Variants in UACA observed in about 807,000 individuals in gnomAD.
UACA encodes the protein nuclear membrane binding protein.
Under a neutral mutation model 160.5 loss-of-function variants are expected in UACA, and 112 were observed. The ratio of observed to expected loss-of-function variants is 0.70; its 90% confidence interval spans 0.60 to 0.82. The LOEUF is 0.82. UACA is among the 40% of genes least tolerant of loss of function. UACA has a pLI of 0.00. For missense variants in UACA, 1,574 were observed against 1,614.6 expected, an observed-to-expected ratio of 0.97 and a Z score of 0.43; for synonymous variants, 557 against 568.4, an observed-to-expected ratio of 0.98 and a Z score of 0.29.
chr15:70,717,797 T>A (rs943536036), intron 1 of UACA, among the ~76,000 whole-genome samples: 1 of 152,176 alleles, frequency 6.6e-6, no homozygotes, highest in Non-Finnish European at 1.5e-5. Flanking sequence ...TGTGAAGGTA[T>A]TTTGTAGATG....
At chr15:70,755,676 TA>T (rs569011645) in intron 1 of UACA, among the ~76,000 whole-genome samples, 120 of 140,692 alleles carry the variant, frequency 8.5e-4, no homozygotes, top group Admixed American at 8.6e-4. Flanking sequence ...TTCTCAAAAA[TA>T]AAAAAAAAAA....
In UACA at chr15:70,691,454, C is replaced by T. The variant is rs544342527; in HGVS notation, c.302-91G>A. The T allele has an allele frequency of 1.8e-4, 165 of 917,568 alleles. 1 individual carries two copies. The highest frequency in any genetic ancestry group is 2.7e-4 in the Non-Finnish European group (159 of 594,694). The allele number at this position is 917,568 out of a possible 1,614,324, so 56.8% of individuals were successfully genotyped here. A position where few individuals can be genotyped will look rare whatever the true frequency, so the allele number is the denominator to read the frequency against. ...GAAATATGATTCTTTTTTCCCAAAA[C>T]TAGTTGACAACATACTTAATCTGTA... On this transcript the variant is annotated intron_variant, in intron 3 of 18. Transcript: ENST00000322954.
Position 70,684,358 on chromosome 15 carries a change from C to T in UACA, c.691G>A (p.Ala231Thr). The T allele has an allele frequency of 6.2e-7, 1 of 1,613,876 alleles. No individual in the cohort carries two copies. Among genetic ancestry groups the T allele is most frequent in the Non-Finnish European group, 8.5e-7 (1 of 1,179,832 alleles). ...KNGADISLLD[A>T]LGHDSSYYAR... The stretch of plus-strand genomic sequence containing the variant: ...TAGTAAGAACTATCATGGCCAAGCG[C>T]ATCCAGCAAGCTTATATCAGCACCA... Residue 231 changes from alanine to threonine, a missense_variant, in exon 8 of 19, where the codon GCG becomes ACG. Transcript: ENST00000322954.
At chr15:70,745,822 TC>T (rs962514549) in intron 1 of UACA, among the ~76,000 whole-genome samples, 5 of 80,910 alleles carry the variant, frequency 6.2e-5, no homozygotes, top group South Asian at 3.8e-4. Context: ...TCTACAACCA[TC>T]TGACCTTTGA....
At chr15:70,678,262 A>G (rs1471408700) in intron 10 of UACA, 56 bp from the exon 11 acceptor site, 1 of 1,340,068 alleles carries the variant, frequency 7.5e-7, no homozygotes, top group Non-Finnish European at 1.0e-6. Flanking sequence ...CAAATTCTTA[A>G]AGGAGAAATT....
intron 1 of UACA, among the ~76,000 whole-genome samples, chr15:70,752,003 G>A (rs375876549): frequency 6.6e-5 from 10 of 152,078 alleles, no homozygotes; most frequent in Non-Finnish European, 1.2e-4. Flanking sequence ...TTGGGAGGCC[G>A]AGGCGGGCAG....
At chr15:70,718,431 C>T (rs1898893383) in intron 1 of UACA, among the ~76,000 whole-genome samples, 1 of 146,108 alleles carries the variant, frequency 6.8e-6, no homozygotes, top group Non-Finnish European at 1.5e-5. Flanking sequence ...TATGTTTGGC[C>T]AATAGAATGT....
At chr15:70,660,053 T>C in intron 18 of UACA, 98 bp downstream of exon 18, 1 of 926,540 alleles carries the variant, frequency 1.1e-6, no homozygotes, top group South Asian at 1.8e-5. Flanking sequence ...GGGGTGCAGC[T>C]ACTTTAAACA....
chr15:70,728,587 AC>A (rs985907309), intron 1 of UACA, among the ~76,000 whole-genome samples: 3 of 151,490 alleles, frequency 2.0e-5, no homozygotes, highest in African/African-American at 7.2e-5. Context: ...AAAAAAAAAA[AC>A]ATAGAAAAAA....
At chr15:70,704,434 C>T (rs1336686548) in intron 1 of UACA, among the ~76,000 whole-genome samples, 4 of 152,166 alleles carry the variant, frequency 2.6e-5, no homozygotes, top group African/African-American at 7.2e-5. Flanking sequence ...TTCACACATA[C>T]TCCTGCACAT....
chr15:70,708,028 C>T (rs1898569952), intron 1 of UACA, among the ~76,000 whole-genome samples: 1 of 152,130 alleles, frequency 6.6e-6, no homozygotes, highest in Admixed American at 6.5e-5. Context: ...ATCCAAATGT[C>T]CATTGATGGC....
rs761099815 is a variant in UACA, at chr15:70,678,221, A to G, written c.892-15T>C. On this transcript the variant is annotated splice_polypyrimidine_tract_variant and intron_variant, in intron 10 of 18. Transcript: ENST00000322954. ...ATCTCCAAATCCTTAAATAATAAAG[A>G]CAACAAGGTGCCAGGCCAATCTTAA... The G allele has an allele frequency of 6.3e-7, 1 of 1,583,956 alleles. No individual in the cohort carries two copies. The highest frequency in any genetic ancestry group is 1.1e-5 in the South Asian group (1 of 87,374).
chr15:70,773,674 T>A, the UACA span, among the ~76,000 whole-genome samples: 1 of 152,184 alleles, frequency 6.6e-6, no homozygotes, highest in East Asian at 1.9e-4. Flanking sequence ...AGGTCCCAAC[T>A]GGCCTGCTTC....
chr15:70,772,392 C>A, the UACA span, among the ~76,000 whole-genome samples: 1 of 147,918 alleles, frequency 6.8e-6, no homozygotes. Context: ...ACTTGGGAGG[C>A]TGAGGCAGGA....
In UACA at chr15:70,656,553, TA is replaced by T. The variant is rs1304186348; in HGVS notation, c.*502del. 1 of 152,180 alleles carries T rather than the reference TA, an allele frequency of 6.6e-6. No homozygotes were observed. The highest frequency in any genetic ancestry group is 6.5e-5 in the Admixed American group (1 of 15,280). The allele number at this position is 152,180 out of a possible 1,614,324, so 9.4% of individuals were successfully genotyped here. On this transcript the variant is annotated 3_prime_UTR_variant, in exon 19 of 19. Transcript: ENST00000322954. Reference sequence around the variant, plus strand: ...TACCTACAAAAAAGGCCAAAGACACTAATGAAGTTACCTCAGTAAAGATACT... The same window carrying T: ...TACCTACAAAAAAGGCCAAAGACACTATGAAGTTACCTCAGTAAAGATACT...
chr15:70,767,637 T>C (rs2141024825), upstream of UACA, among the ~76,000 whole-genome samples: 1 of 151,802 alleles, frequency 6.6e-6, no homozygotes, highest in South Asian at 2.1e-4. Context: ...GCACATAAAA[T>C]GAGTCCTTTT....
In UACA at chr15:70,684,328, T is replaced by C; in HGVS notation, c.721A>G (p.Arg241Gly). The C allele has an allele frequency of 6.2e-7, 1 of 1,613,836 alleles. No individual in the cohort carries two copies. Among genetic ancestry groups the C allele is most frequent in the South Asian group, 1.1e-5 (1 of 91,032 alleles). ...AGAATGTCCAGATTGTCACCAATTC[T>C]TGCATAGTAAGAACTATCATGGCCA... The part of the protein sequence containing the change: ...ALGHDSSYYA[R>G]IGDNLDILTL... The change falls in exon 8 of 19, where the codon AGA becomes GGA. Residue 241 changes from arginine (R) to glycine (G), a missense_variant. Coordinates refer to ENST00000322954, the MANE Select transcript of UACA (RefSeq NM_018003.4).
Position 70,763,491 on chromosome 15 carries a change from A to C in UACA, c.-84T>G. On this transcript the variant is annotated 5_prime_UTR_variant, in exon 1 of 19. Coordinates refer to ENST00000322954, the MANE Select transcript of UACA (RefSeq NM_018003.4). ...AGGAGTAGACGGCAGCGGCTGCAGC[A>C]GAGGCGGCGCGGGCTGTACCAGCCC... The C allele has an allele frequency of 7.9e-7, 1 of 1,257,994 alleles. No homozygotes were observed. Among genetic ancestry groups the C allele is most frequent in the Non-Finnish European group, 1.0e-6 (1 of 994,136 alleles). The allele number at this position is 1,257,994 out of a possible 1,614,324, so 77.9% of individuals were successfully genotyped here.
intron 1 of UACA, among the ~76,000 whole-genome samples, chr15:70,736,451 G>T (rs1485306882): frequency 6.6e-6 from 1 of 151,776 alleles, no homozygotes; most frequent in Non-Finnish European, 1.5e-5. Flanking sequence ...TTTTTGGGGG[G>T]TGGGATGGAG....
Sources: gnomAD v4.1 joint callset for allele counts (sites outside exome capture counted in the v4.1 genomes callset) on GRCh38, gnomAD v4.1.1 for gene constraint, MANE v1.5 for transcripts, NCBI Gene and HGNC (gene_info 2026-07-23, HGNC 2026-07-21) for gene names.